Variants in DLG1 observed in about 807,000 individuals in gnomAD.
DLG1 encodes discs large MAGUK scaffold protein 1, also known as disks large homolog 1.
DLG1 carries 42 observed loss-of-function variants against 123.4 expected under a neutral mutation model. The observed-to-expected ratio is 0.34, with a 90% confidence interval of 0.27 to 0.44. DLG1 has a LOEUF of 0.44. Among genes scored for constraint, DLG1 ranks in the 20% least tolerant of loss-of-function variants. The probability of loss-of-function intolerance (pLI) is 1.00; values close to 1 mark genes in which losing one functional copy is unlikely to be tolerated. For synonymous variants in DLG1, 317 were observed against 356.2 expected (o/e 0.89, Z 1.24); for missense variants, 942 against 1,082.6 (o/e 0.87, Z 1.82).
intron 24 of DLG1, among the ~76,000 whole-genome samples, chr3:197,045,401 C>T (rs1032070317): frequency 3.3e-5 from 5 of 152,040 alleles, no homozygotes; most frequent in African/African-American, 7.2e-5. Context: ...AACAAAGTAT[C>T]GCTAGACAGC....
At chr3:197,179,270 G>T (rs549577638) in intron 5 of DLG1, among the ~76,000 whole-genome samples, 1 of 152,220 alleles carries the variant, frequency 6.6e-6, no homozygotes, top group South Asian at 2.1e-4. Context: ...GGGGAGCTTG[G>T]TACCAAGTGG....
chr3:197,135,711 A>T (rs547612356), intron 10 of DLG1, among the ~76,000 whole-genome samples: 1 of 152,350 alleles, frequency 6.6e-6, no homozygotes, highest in Admixed American at 6.5e-5. Flanking sequence ...ATTGAGTGAA[A>T]AAAATACTGG....
intron 17 of DLG1, chr3:197,078,599 A>G (rs1748826263): frequency 6.6e-6 from 1 of 152,170 alleles, no homozygotes; most frequent in Non-Finnish European, 1.5e-5. Flanking sequence ...TTATGGAGAA[A>G]TCTGGGCTTA....
chr3:197,297,086 C>T, intron 2 of DLG1, 100 bp downstream of exon 2: 1 of 1,294,830 alleles, frequency 7.7e-7, no homozygotes, highest in Non-Finnish European at 1.1e-6. Context: ...ACCGTGCTGT[C>T]TCATCAAAGT....
chr3:197,075,960 G>T, intron 18 of DLG1: 1 of 1,140,996 alleles, frequency 8.8e-7, no homozygotes, highest in Non-Finnish European at 1.3e-6. Flanking sequence ...GCTACAGTAA[G>T]AGACAGTTCC....
Position 197,282,719 on chromosome 3 carries a change from G to A in DLG1, c.278C>T (p.Thr93Ile). 1 of 1,610,128 alleles carries A rather than the reference G, an allele frequency of 6.2e-7. No homozygotes were observed. Reference sequence around the variant, plus strand: ...AAGGCTGCTTGGCAGTGTCTCTGAAGTCACAGTAGAGCTTGGAAGGCTGGA... The same window carrying A: ...AAGGCTGCTTGGCAGTGTCTCTGAAATCACAGTAGAGCTTGGAAGGCTGGA... ...EISSLPSSTV[T>I]SETLPSSLSP... is the part of the protein sequence containing the mutation. The change falls in exon 4 of 25, where the codon ACT becomes ATT. Residue 93 changes from threonine (T) to isoleucine (I), a missense_variant. Thr to Ile is a moderately conservative substitution (Grantham distance 89). Transcript: ENST00000667157.
At chr3:197,229,791 C>T (rs1412978741) in intron 4 of DLG1, among the ~76,000 whole-genome samples, 3 of 152,184 alleles carry the variant, frequency 2.0e-5, no homozygotes, top group Non-Finnish European at 4.4e-5. Flanking sequence ...AGCGTAATCG[C>T]CTTACTTAAT....
intron 20 of DLG1, 33 bp downstream of exon 20, chr3:197,066,671 G>C (rs1739814826): frequency 6.6e-7 from 1 of 1,505,568 alleles, no homozygotes; most frequent in African/African-American, 1.4e-5. Flanking sequence ...TATTCTTCTA[G>C]AAGGTTATAA....
chr3:197,064,051 C>T (rs1048828271), intron 22 of DLG1, among the ~76,000 whole-genome samples: 1 of 150,522 alleles, frequency 6.6e-6, no homozygotes, highest in Admixed American at 6.6e-5. Flanking sequence ...GCCTCCTTAG[C>T]CAGGATTACA....
chr3:197,298,617 C>G (rs886231861), upstream of DLG1: 16 of 398,550 alleles, frequency 4.0e-5, 1 homozygote, highest in East Asian at 2.5e-4. Flanking sequence ...GGGGGTAGAT[C>G]CCCACCGGGG....
chr3:197,124,943 G>T (rs1018127209), intron 11 of DLG1, among the ~76,000 whole-genome samples: 3 of 152,082 alleles, frequency 2.0e-5, no homozygotes, highest in African/African-American at 7.2e-5. Context: ...GATTATGCAA[G>T]AGAGAGAAGG....
rs367888433 is a variant in DLG1 at position 197,276,892 on chromosome 3, CT to C, written c.318+5786del. Among the ~76,000 whole-genome samples, 168 of 151,210 alleles carry C rather than the reference CT, an allele frequency of 1.1e-3. 1 individual carries two copies. The highest frequency in any genetic ancestry group is 3.6e-3 in the African/African-American group (149 of 41,242). On this transcript the variant is annotated intron_variant, in intron 4 of 24. Coordinates refer to ENST00000667157, the MANE Select transcript of DLG1 (RefSeq NM_001366207.1). ...AATTTTTATTTTTTTTAATTTTTAA[CT>C]TTTTTTTTCTTGTTTGGAGACAGGG...
chr3:197,176,635 T>C (rs553076920), intron 5 of DLG1, among the ~76,000 whole-genome samples: 3 of 152,296 alleles, frequency 2.0e-5, no homozygotes, highest in South Asian at 4.1e-4. Flanking sequence ...CATGGCTTGA[T>C]AGCTCATTTC....
intron 5 of DLG1, among the ~76,000 whole-genome samples, chr3:197,172,670 A>G (rs1804829935): frequency 6.6e-6 from 1 of 152,196 alleles, no homozygotes. Context: ...CAATATACAT[A>G]GTAGACATTG....
rs1030953252 is a variant in DLG1 at position 197,042,970 on chromosome 3, TAAATG to T, written c.*1648_*1652del. ...TTATTAGCTGTTCTCCTCTTCTTCA[TAAATG>T]GAATGGATAATGTTGATAATTCTTT... On this transcript the variant is annotated 3_prime_UTR_variant, in exon 25 of 25. Coordinates refer to ENST00000667157, the MANE Select transcript of DLG1 (RefSeq NM_001366207.1). 8.5e-5 allele frequency: 13 copies of T among 152,238 alleles called. No homozygotes were observed. Among genetic ancestry groups the T allele is most frequent in the African/African-American group, 2.7e-4 (11 of 41,464 alleles). 9.4% of individuals were successfully genotyped at this position (152,238 alleles called of 1,614,324 possible).
intron 11 of DLG1, among the ~76,000 whole-genome samples, chr3:197,122,548 C>T (rs1776995305): frequency 1.3e-5 from 2 of 152,034 alleles, no homozygotes; most frequent in Admixed American, 6.5e-5. Context: ...TATACGTAGA[C>T]GATCTGAAAG....
In DLG1 at chr3:197,051,607, G is replaced by C; in HGVS notation, c.2545C>G (p.Leu849Val). ...AAATGTTCAGTAAACTCCTGTTCCA[G>C]TTTCATGGCTCTCTCAAATGTTTTT... is the stretch of plus-strand genomic sequence containing the variant. ...ARKTFERAMK[L>V]EQEFTEHFTA... The change falls in exon 24 of 25, where the codon CTG becomes GTG. Residue 849 changes from leucine to valine, a missense_variant. Physicochemically the swap from Leu to Val is conservative, Grantham distance 32 (BLOSUM62 1). Coordinates refer to ENST00000667157, the MANE Select transcript of DLG1 (RefSeq NM_001366207.1). 1 of 1,613,844 alleles carries C rather than the reference G, an allele frequency of 6.2e-7. No homozygotes were observed. The highest frequency in any genetic ancestry group is 8.5e-7 in the Non-Finnish European group (1 of 1,179,850).
chr3:197,189,860 G>C (rs1718325439), intron 5 of DLG1, among the ~76,000 whole-genome samples: 1 of 152,150 alleles, frequency 6.6e-6, no homozygotes, highest in South Asian at 2.1e-4. Context: ...ATGACAAAAT[G>C]CCAGCAACTG....
chr3:197,275,536 A>T (rs776556100), intron 4 of DLG1, among the ~76,000 whole-genome samples: 77 of 152,388 alleles, frequency 5.1e-4, no homozygotes, highest in Admixed American at 2.0e-3. Context: ...AATGTAGCAT[A>T]TATAGACAAT....
Sources: allele counts gnomAD v4.1 joint callset (sites outside exome capture counted in the v4.1 genomes callset), GRCh38; gene constraint gnomAD v4.1.1; transcripts MANE v1.5; gene names NCBI Gene and HGNC (gene_info 2026-07-23, HGNC 2026-07-21).